LITAF: variants seen among roughly 807,000 people sequenced by gnomAD.
LITAF encodes the protein lipopolysaccharide induced TNF factor, also known as lipopolysaccharide-induced tumor necrosis factor-alpha factor.
In LITAF, 9 loss-of-function variants were observed where a neutral mutation model predicts 14.5. That is an observed-to-expected ratio of 0.62 (90% confidence interval 0.37 to 1.08). LITAF has a LOEUF of 1.08. LITAF is among the 50% of genes least tolerant of loss of function. The pLI is 0.01. For synonymous variants in LITAF, 98 were observed against 88.2 expected, an observed-to-expected ratio of 1.11 and a Z score of -0.62; for missense variants, 206 against 213.4, an observed-to-expected ratio of 0.97 and a Z score of 0.22.
At chr16:11,584,420 A>G (rs2064779827) in intron 1 of LITAF, 1 of 152,156 alleles carries the variant, frequency 6.6e-6, no homozygotes, top group Non-Finnish European at 1.5e-5. Context: ...GAGGATGGGT[A>G]ATGTCAGCAA....
At chr16:11,612,350 G>A (rs977600862) in intron 3 of LITAF, among the ~76,000 whole-genome samples, 1 of 152,206 alleles carries the variant, frequency 6.6e-6, no homozygotes, top group Non-Finnish European at 1.5e-5. Flanking sequence ...CTTGTGAAAA[G>A]GGGCCACCTG....
chr16:11,608,092 C>T (rs2064963746), intron 3 of LITAF, among the ~76,000 whole-genome samples: 6 of 152,176 alleles, frequency 3.9e-5, no homozygotes, highest in Admixed American at 3.9e-4. Context: ...CATCCCTTTC[C>T]AGGCTTCCAG....
chr16:11,615,463 G>C (rs1437376454), intron 3 of LITAF, among the ~76,000 whole-genome samples: 5 of 151,052 alleles, frequency 3.3e-5, no homozygotes, highest in African/African-American at 1.2e-4. Context: ...CTTGAACCTG[G>C]GAGGTGGAGG....
chr16:11,619,235 T>C (rs1373811380), intron 3 of LITAF, among the ~76,000 whole-genome samples: 4 of 150,172 alleles, frequency 2.7e-5, no homozygotes, highest in Non-Finnish European at 5.9e-5. Flanking sequence ...CGTTTGAACC[T>C]GGGAGGAAGA....
intron 3 of LITAF, among the ~76,000 whole-genome samples, chr16:11,615,799 G>T (rs2065015975): frequency 6.6e-6 from 1 of 152,174 alleles, no homozygotes; most frequent in African/African-American, 2.4e-5. Flanking sequence ...CAAAGCCCTT[G>T]GACCCTCCTC....
intron 1 of LITAF, among the ~76,000 whole-genome samples, chr16:11,572,745 C>G (rs1567246240): frequency 6.6e-6 from 1 of 152,146 alleles, no homozygotes; most frequent in South Asian, 2.1e-4. Flanking sequence ...ACGTAGAACC[C>G]CGGCACAGAA....
chr16:11,622,971 T>C (rs1043675083), intron 3 of LITAF, among the ~76,000 whole-genome samples: 4 of 141,990 alleles, frequency 2.8e-5, no homozygotes, highest in African/African-American at 8.1e-5. Flanking sequence ...TATATATATA[T>C]AATTTTTTTT....
intron 3 of LITAF, among the ~76,000 whole-genome samples, chr16:11,606,434 G>C (rs1296387389): frequency 6.6e-6 from 1 of 152,118 alleles, no homozygotes; most frequent in African/African-American, 2.4e-5. Context: ...CTCCCAAAGT[G>C]CTGGGATTAT....
upstream of LITAF, among the ~76,000 whole-genome samples, chr16:11,637,226 A>G (rs2065141629): frequency 6.6e-6 from 1 of 152,176 alleles, no homozygotes; most frequent in Non-Finnish European, 1.5e-5. Flanking sequence ...CTGTATCACC[A>G]GCACCACAGA....
At chr16:11,636,495 C>A (rs1340705691), upstream of LITAF, 2 of 152,240 alleles carry the variant, frequency 1.3e-5, no homozygotes, top group African/African-American at 4.8e-5. Flanking sequence ...ACGTGAAGAA[C>A]TGGTTAGGAC....
chr16:11,637,779 G>A (rs1034309378), upstream of LITAF, among the ~76,000 whole-genome samples: 4 of 150,568 alleles, frequency 2.7e-5, no homozygotes, highest in African/African-American at 9.8e-5. Context: ...TACTCCAGAG[G>A]CTGAGGTGGG....
chr16:11,582,319 G>A (rs1218761025), intron 1 of LITAF, among the ~76,000 whole-genome samples: 66 of 99,982 alleles, frequency 6.6e-4, no homozygotes, highest in South Asian at 1.4e-3. Flanking sequence ...ACTCACAACG[G>A]AAAAAAAAAA....
intron 1 of LITAF, among the ~76,000 whole-genome samples, chr16:11,594,475 G>T (rs560679352): frequency 3.9e-5 from 6 of 152,240 alleles, no homozygotes; most frequent in African/African-American, 1.2e-4. Flanking sequence ...GTGGCCACAG[G>T]AGGAAAAACT....
At chr16:11,577,619 G>C (rs2064661656) in intron 1 of LITAF, among the ~76,000 whole-genome samples, 1 of 151,960 alleles carries the variant, frequency 6.6e-6, no homozygotes, top group Admixed American at 6.6e-5. Context: ...CACCTGGCCA[G>C]AAGTGTCTAT....
upstream of LITAF, among the ~76,000 whole-genome samples, chr16:11,590,801 C>T (rs1456708294): frequency 8.5e-6 from 1 of 117,130 alleles, no homozygotes; most frequent in African/African-American, 4.1e-5. Flanking sequence ...GGTACGATCT[C>T]GGCTCACCGC....
At chr16:11,600,866 T>C (rs966197721), upstream of LITAF, among the ~76,000 whole-genome samples, 2 of 151,996 alleles carry the variant, frequency 1.3e-5, no homozygotes, top group Non-Finnish European at 2.9e-5. The surrounding 1 kb of genome is among the most constrained non-coding windows in gnomAD (Gnocchi z 4.1). Flanking sequence ...ATGTCCCGCA[T>C]ATCCTCATTC....
At chr16:11,594,903 TAAAATA>T (rs138536471) in intron 1 of LITAF, among the ~76,000 whole-genome samples, 90,086 of 148,808 alleles carry the variant, frequency 0.61, 27,714 homozygotes, top group African/African-American at 0.73. Flanking sequence ...TAAAATAAAG[TAAAATA>T]AAAATAAAAA....
At chr16:11,585,231 A>C (rs1363767396) in intron 1 of LITAF, among the ~76,000 whole-genome samples, 3 of 100,568 alleles carry the variant, frequency 3.0e-5, no homozygotes, top group Non-Finnish European at 4.6e-5. Flanking sequence ...ACTCTGTCTC[A>C]AAAAAAAAAA....
At chr16:11,619,019 C>A (rs538219330) in intron 3 of LITAF, among the ~76,000 whole-genome samples, 60 of 149,230 alleles carry the variant, frequency 4.0e-4, no homozygotes, top group East Asian at 3.6e-3. Context: ...ACAAAAAAAA[C>A]CCCAGCACTG....
Sources: allele counts gnomAD v4.1 joint callset (sites outside exome capture counted in the v4.1 genomes callset), GRCh38; gene constraint gnomAD v4.1.1; non-coding constraint Gnocchi (gnomAD v3.1); transcripts MANE v1.5; gene names NCBI Gene and HGNC (gene_info 2026-07-23, HGNC 2026-07-21).